MECOM: variants seen among roughly 807,000 people sequenced by gnomAD.
The protein encoded by MECOM is MDS1 and EVI1 complex locus, also known as histone-lysine N-methyltransferase MECOM.
Under a neutral mutation model 116.3 loss-of-function variants are expected in MECOM, and 13 were observed. The ratio of observed to expected loss-of-function variants is 0.11; its 90% confidence interval spans 0.07 to 0.18. MECOM has a LOEUF of 0.18. MECOM is among the 10% of genes least tolerant of loss of function. The pLI is 1.00. For synonymous variants in MECOM, 528 were observed against 535.2 expected (o/e 0.99, Z 0.19); for missense variants, 1,299 against 1,509.0 (o/e 0.86, Z 2.31).
intron 2 of MECOM, among the ~76,000 whole-genome samples, chr3:169,305,204 A>C (rs1388832652): frequency 6.6e-6 from 1 of 152,196 alleles, no homozygotes. Context: ...TCTGAGAAGG[A>C]GCTACTTAAT....
At chr3:169,542,277 G>C (rs1423133729) in intron 1 of MECOM, among the ~76,000 whole-genome samples, 1 of 151,220 alleles carries the variant, frequency 6.6e-6, no homozygotes, top group African/African-American at 2.4e-5. Context: ...TTTTCCAAAA[G>C]CAGCCAAAAA....
chr3:169,230,176 C>T (rs1753200226), intron 2 of MECOM, among the ~76,000 whole-genome samples: 1 of 152,032 alleles, frequency 6.6e-6, no homozygotes, highest in Admixed American at 6.6e-5. Flanking sequence ...CATTTCCCTC[C>T]AGGCCAGAAC....
intron 2 of MECOM, among the ~76,000 whole-genome samples, chr3:169,259,077 G>C (rs10513663): frequency 0.037 from 5,623 of 152,224 alleles, 124 homozygotes; most frequent in African/African-American, 0.051. Context: ...AGTTTCTAGA[G>C]CTGATGCCAT....
intron 2 of MECOM, among the ~76,000 whole-genome samples, chr3:169,291,257 C>A (rs1714502929): frequency 6.6e-6 from 1 of 152,136 alleles, no homozygotes; most frequent in African/African-American, 2.4e-5. Context: ...AAGCCCAGCT[C>A]CCTAGGGCTT....
intron 1 of MECOM, among the ~76,000 whole-genome samples, chr3:169,425,657 A>G (rs922751347): frequency 6.6e-6 from 1 of 152,184 alleles, no homozygotes; most frequent in African/African-American, 2.4e-5. Flanking sequence ...GATTGGTCAA[A>G]CAGTAAGCGA....
intron 1 of MECOM, among the ~76,000 whole-genome samples, chr3:169,652,257 G>C (rs1217008290): frequency 6.6e-6 from 1 of 151,770 alleles, no homozygotes; most frequent in Non-Finnish European, 1.5e-5. Context: ...CATGAACTAT[G>C]ACCCTAGCCA....
chr3:169,463,940 C>T (rs1414138047), intron 1 of MECOM: 2 of 152,062 alleles, frequency 1.3e-5, no homozygotes, highest in African/African-American at 4.8e-5. Flanking sequence ...TATTTTTCTT[C>T]AAGGGATATG....
At chr3:169,120,699 G>C (rs541434773) in intron 7 of MECOM, among the ~76,000 whole-genome samples, 1 of 152,156 alleles carries the variant, frequency 6.6e-6, no homozygotes, top group Non-Finnish European at 1.5e-5. Flanking sequence ...CTTGTTTAGT[G>C]ATGGCTGCTA....
intron 1 of MECOM, among the ~76,000 whole-genome samples, chr3:169,572,522 C>T (rs1764028370): frequency 6.6e-6 from 1 of 152,166 alleles, no homozygotes; most frequent in Non-Finnish European, 1.5e-5. Flanking sequence ...CATTATTCTG[C>T]TATAAAGACA....
intron 1 of MECOM, among the ~76,000 whole-genome samples, chr3:169,453,502 A>AT (rs1171176936): frequency 6.6e-6 from 1 of 152,152 alleles, no homozygotes; most frequent in Non-Finnish European, 1.5e-5. Context: ...CATTAGGGAC[A>AT]TTTTTTTCTT....
chr3:169,638,546 G>C (rs1349783753), intron 1 of MECOM, among the ~76,000 whole-genome samples: 6 of 152,110 alleles, frequency 3.9e-5, no homozygotes, highest in Non-Finnish European at 7.4e-5. Context: ...GTATTTACTA[G>C]TATATAATTT....
At chr3:169,157,736 A>G (rs1274925711) in intron 2 of MECOM, among the ~76,000 whole-genome samples, 2 of 152,212 alleles carry the variant, frequency 1.3e-5, no homozygotes, top group Non-Finnish European at 2.9e-5. Context: ...TCTCAAAGGT[A>G]TTTGTGTTTT....
At chr3:169,364,930 T>C (rs1421811151) in intron 2 of MECOM, among the ~76,000 whole-genome samples, 1 of 152,072 alleles carries the variant, frequency 6.6e-6, no homozygotes, top group East Asian at 1.9e-4. Flanking sequence ...GCATAATGTG[T>C]CATTTCATAA....
chr3:169,609,250 G>T (rs943823205), intron 1 of MECOM, among the ~76,000 whole-genome samples: 10 of 152,138 alleles, frequency 6.6e-5, no homozygotes, highest in African/African-American at 2.4e-4. Flanking sequence ...GGGCACAGAG[G>T]CTAGCCTCTA....
At position 169,115,439 on chromosome 3, in the gene MECOM, T is replaced by C; in HGVS notation, c.2433A>G (p.Ser811=). 4 of 1,614,226 alleles carry C rather than the reference T, an allele frequency of 2.5e-6. No homozygotes were observed. Among genetic ancestry groups the C allele is most frequent in the Non-Finnish European group, 3.4e-6 (4 of 1,180,038 alleles). Reference sequence around the variant, plus strand: ...GTCTTGCATGCTGCAAGGAACCATCTGAAGCAGGTCTTGATTCGACGTTGC... The same window carrying C: ...GTCTTGCATGCTGCAAGGAACCATCCGAAGCAGGTCTTGATTCGACGTTGC... The part of the protein sequence containing the change: ...KGSNVESRPA[S]DGSLQHARPT... Residue 811 remains serine, a synonymous_variant, in exon 8 of 17, where the codon TCA becomes TCG. Transcript: ENST00000651503.
At chr3:169,597,601 T>C (rs1014498486) in intron 1 of MECOM, among the ~76,000 whole-genome samples, 2 of 152,206 alleles carry the variant, frequency 1.3e-5, no homozygotes, top group African/African-American at 4.8e-5. Flanking sequence ...TCAAAAAATA[T>C]AATAAGCAGA....
At chr3:169,283,155 C>T (rs1443299140) in intron 2 of MECOM, among the ~76,000 whole-genome samples, 4 of 151,880 alleles carry the variant, frequency 2.6e-5, no homozygotes, top group Admixed American at 2.6e-4. Context: ...TAAATGATTA[C>T]AGAATTTAGG....
chr3:169,203,038 C>T (rs373631800), intron 2 of MECOM, among the ~76,000 whole-genome samples: 10 of 152,174 alleles, frequency 6.6e-5, no homozygotes, highest in African/African-American at 2.4e-4. Context: ...CACCAACTTC[C>T]TCTCATTTCT....
chr3:169,292,295 C>A, intron 2 of MECOM, among the ~76,000 whole-genome samples: 1 of 152,042 alleles, frequency 6.6e-6, no homozygotes. Flanking sequence ...ATCGCACAAC[C>A]ACACCCCAGC....
Sources: gnomAD v4.1 joint callset for allele counts (sites outside exome capture counted in the v4.1 genomes callset) on GRCh38, gnomAD v4.1.1 for gene constraint, MANE v1.5 for transcripts, NCBI Gene and HGNC (gene_info 2026-07-23, HGNC 2026-07-21) for gene names.